Variants in CALN1 observed in about 807,000 individuals in gnomAD.
The protein encoded by CALN1 is calcium-binding protein 8.
CALN1 carries 17 observed loss-of-function variants against 30.6 expected under a neutral mutation model. The observed-to-expected ratio is 0.56, with a 90% CI of 0.38 to 0.83. The LOEUF is 0.83. Ranked by LOEUF, CALN1 falls within the 40% of genes least tolerant of loss-of-function variation. The pLI is 0.00. For missense variants in CALN1, 291 were observed against 354.9 expected, an observed-to-expected ratio of 0.82 and a Z score of 1.45; for synonymous variants, 156 against 131.4, an observed-to-expected ratio of 1.19 and a Z score of -1.28.
chr7:72,188,921 C>CAA lies in CALN1; in HGVS notation c.245-82628_245-82627insTT, dbSNP rs572381132. ...CCCCAGGCCCCAACTCCCTACACCG[C>CAA]ACACACACAAAGCTCTCCCCATCTT... On this transcript the variant is annotated intron_variant, in intron 3 of 6. Transcript: ENST00000395275. Among the ~76,000 whole-genome samples, 61 of 152,166 alleles carry CAA rather than the reference C, an allele frequency of 4.0e-4. No homozygotes were observed. In the South Asian group the frequency reaches 0.01, roughly 25 times the overall value.
chr7:72,001,416 G>C (rs1161723719), intron 5 of CALN1, among the ~76,000 whole-genome samples: 1 of 152,218 alleles, frequency 6.6e-6, no homozygotes, highest in Non-Finnish European at 1.5e-5. Context: ...GAGAGCATGA[G>C]TGCAACTCCA....
the CALN1 span, among the ~76,000 whole-genome samples, chr7:72,488,490 A>G: frequency 1.3e-5 from 2 of 152,190 alleles, no homozygotes; most frequent in African/African-American, 4.8e-5. Context: ...TCCAGCTAAT[A>G]AGAGAGCACT....
chr7:72,140,352 G>C (rs1034247773), intron 3 of CALN1, among the ~76,000 whole-genome samples: 3 of 57,776 alleles, frequency 5.2e-5, no homozygotes, highest in Non-Finnish European at 5.7e-5. Flanking sequence ...GGGAGGGAGG[G>C]AGGGAGGGAG....
intron 5 of CALN1, among the ~76,000 whole-genome samples, chr7:72,004,297 C>A (rs1562969333): frequency 6.6e-6 from 1 of 152,122 alleles, no homozygotes; most frequent in Admixed American, 6.6e-5. Flanking sequence ...ACAGCCCTTT[C>A]AACAAATGAT....
intron 3 of CALN1, among the ~76,000 whole-genome samples, chr7:72,247,227 CTTTTTTTTTTTTTTTTTTTTTT>C (rs764276435): frequency 3.9e-5 from 3 of 77,710 alleles, no homozygotes; most frequent in South Asian, 4.1e-4. Flanking sequence ...CATTTTCTTT[CTTTTTTTTTTTTTTTTTTTTTT>C]TTTTTTTTTT....
At chr7:72,469,657 C>T in the CALN1 span, among the ~76,000 whole-genome samples, 10 of 152,158 alleles carry the variant, frequency 6.6e-5, no homozygotes, top group African/African-American at 2.4e-4. Flanking sequence ...CGTAGGCCTC[C>T]CAAATTGCTG....
At chr7:72,214,134 GTGTT>G (rs1198586420) in intron 3 of CALN1, among the ~76,000 whole-genome samples, 4 of 152,206 alleles carry the variant, frequency 2.6e-5, no homozygotes, top group Non-Finnish European at 5.9e-5. Context: ...TGGTGACAAG[GTGTT>G]TACCACCATA....
intron 3 of CALN1, among the ~76,000 whole-genome samples, chr7:72,167,192 A>C (rs1291323779): frequency 6.6e-6 from 1 of 152,240 alleles, no homozygotes; most frequent in Non-Finnish European, 1.5e-5. Flanking sequence ...ATTCAGATGG[A>C]AACCCTTGCA....
chr7:72,318,443 G>A (rs1261214748), intron 2 of CALN1, among the ~76,000 whole-genome samples: 3 of 152,164 alleles, frequency 2.0e-5, no homozygotes, highest in Non-Finnish European at 4.4e-5. Context: ...CTTGCAAACA[G>A]ACACAAGCTT....
At chr7:72,296,788 G>T (rs1216971772) in intron 2 of CALN1, among the ~76,000 whole-genome samples, 1 of 150,364 alleles carries the variant, frequency 6.7e-6, no homozygotes, top group Non-Finnish European at 1.5e-5. Flanking sequence ...TATCAATTTT[G>T]TTGATCCTTT....
intron 5 of CALN1, among the ~76,000 whole-genome samples, chr7:71,936,149 T>C (rs757027767): frequency 6.6e-6 from 1 of 152,156 alleles, no homozygotes; most frequent in East Asian, 1.9e-4. Context: ...TTTGATTTCA[T>C]AATAAACAGC....
In CALN1 at chr7:71,951,862, C is replaced by T. The variant is rs541184705; in HGVS notation, c.501+71795G>A. Among the ~76,000 whole-genome samples the T allele has an allele frequency of 6.6e-5, 10 of 152,114 alleles. No homozygotes were observed. In the East Asian group the frequency reaches 1.9e-3, roughly 29 times the overall value. ...GTCTTTGACTTTGAAATCATGCAAG[C>T]GACTTGCAGAATGGTGGATCTTCTG... On this transcript the variant is annotated intron_variant, in intron 5 of 6. Coordinates refer to ENST00000395275, the MANE Select transcript of CALN1 (RefSeq NM_031468.4).
chr7:72,307,896 CA>C (rs59226068), intron 2 of CALN1, among the ~76,000 whole-genome samples: 140,602 of 146,214 alleles, frequency 0.96, 67,600 homozygotes, highest in East Asian at 1. Flanking sequence ...AAGGCAGAGA[CA>C]AAAAAAAAAA....
intron 3 of CALN1, among the ~76,000 whole-genome samples, chr7:72,183,071 T>C (rs1789934608): frequency 6.6e-6 from 1 of 152,154 alleles, no homozygotes; most frequent in Non-Finnish European, 1.5e-5. Context: ...TTGTTGTTTG[T>C]CTGTTTGTTT....
intron 3 of CALN1, among the ~76,000 whole-genome samples, chr7:72,214,993 T>C (rs189284233): frequency 6.6e-6 from 1 of 151,954 alleles, no homozygotes; most frequent in East Asian, 1.9e-4. Flanking sequence ...TGATGATGAG[T>C]TGTATGATTA....
intron 3 of CALN1, among the ~76,000 whole-genome samples, chr7:72,167,444 A>C (rs1333238412): frequency 7.2e-5 from 11 of 152,160 alleles, no homozygotes; most frequent in Non-Finnish European, 1.5e-4. Flanking sequence ...TCCCAGATTC[A>C]AGCAATTCTC....
intron 5 of CALN1, among the ~76,000 whole-genome samples, chr7:71,941,133 G>A (rs1294707715): frequency 6.6e-6 from 1 of 152,064 alleles, no homozygotes; most frequent in East Asian, 1.9e-4. Flanking sequence ...GATCACCTGA[G>A]GTCAAGAGCT....
intron 4 of CALN1, among the ~76,000 whole-genome samples, chr7:72,025,004 T>C (rs911653872): frequency 1.3e-5 from 2 of 152,198 alleles, no homozygotes; most frequent in African/African-American, 4.8e-5. Flanking sequence ...GTGTACCTAC[T>C]GTAGAATTTA....
intron 1 of CALN1, among the ~76,000 whole-genome samples, chr7:72,404,098 C>A (rs760161450): frequency 1.6e-4 from 24 of 152,298 alleles, no homozygotes; most frequent in Admixed American, 7.8e-4. Flanking sequence ...GGTATCGTTA[C>A]CACCTACTTG....
Sources: allele counts gnomAD v4.1 joint callset (sites outside exome capture counted in the v4.1 genomes callset), GRCh38; gene constraint gnomAD v4.1.1; transcripts MANE v1.5; gene names NCBI Gene and HGNC (gene_info 2026-07-23, HGNC 2026-07-21).